C12orf42: variants seen among roughly 807,000 people sequenced by gnomAD.
The protein encoded by C12orf42 is chromosome 12 open reading frame 42.
In C12orf42, 25 loss-of-function variants were observed where a neutral mutation model predicts 21.6. That is an observed-to-expected ratio of 1.16 (90% CI 0.84 to 1.62). The LOEUF (loss-of-function observed/expected upper bound fraction) is 1.62. C12orf42 is among the 40% of genes most tolerant of loss of function. C12orf42 has a pLI of 0.00. For missense variants in C12orf42, 483 were observed against 459.3 expected (o/e 1.05, Z -0.47); for synonymous variants, 174 against 175.0 (o/e 0.99, Z 0.05).
chr12:103,215,776 G>T, the C12orf42 span, among the ~76,000 whole-genome samples: 5 of 152,182 alleles, frequency 3.3e-5, no homozygotes, highest in Admixed American at 1.3e-4. Flanking sequence ...TAGACAGAAT[G>T]AAAATGCCTG....
intron 4 of C12orf42, among the ~76,000 whole-genome samples, chr12:103,336,795 G>A (rs1356297084): frequency 6.6e-6 from 1 of 152,018 alleles, no homozygotes; most frequent in Admixed American, 6.6e-5. Context: ...GGGAAAAATA[G>A]GCAGCTTGAA....
intron 4 of C12orf42, among the ~76,000 whole-genome samples, chr12:103,311,414 T>C (rs993815203): frequency 2.0e-5 from 3 of 151,938 alleles, no homozygotes; most frequent in Non-Finnish European, 4.4e-5. Flanking sequence ...TATTGCAAAA[T>C]GAACTTCAGC....
chr12:103,080,511 C>T, the C12orf42 span, among the ~76,000 whole-genome samples: 1 of 152,104 alleles, frequency 6.6e-6, no homozygotes, highest in Non-Finnish European at 1.5e-5. Flanking sequence ...ATAATATTTG[C>T]AGACACCTAA....
chr12:103,436,737 C>T (rs2139454117), intron 2 of C12orf42, among the ~76,000 whole-genome samples: 2 of 152,272 alleles, frequency 1.3e-5, no homozygotes, highest in South Asian at 4.1e-4. Flanking sequence ...TACAGGAGCA[C>T]CCAGATTCAT....
At chr12:103,497,545 C>T (rs1392507050), upstream of C12orf42, among the ~76,000 whole-genome samples, 5 of 152,192 alleles carry the variant, frequency 3.3e-5, no homozygotes, top group Non-Finnish European at 7.4e-5. Flanking sequence ...TGCAGCTTTG[C>T]ACACCAAAAA....
At chr12:103,251,083 C>T (rs1481342362) in intron 10 of C12orf42, among the ~76,000 whole-genome samples, 1 of 152,138 alleles carries the variant, frequency 6.6e-6, no homozygotes, top group Non-Finnish European at 1.5e-5. Flanking sequence ...ATGCCATTCA[C>T]TACTTGATAT....
chr12:103,240,037 T>C lies in C12orf42; in HGVS notation c.*1367-2135A>G, dbSNP rs749305920. ...TCTACTATGGGCAAAAGATACCTTA[T>C]TGGAATTCTTCATATTCAGAATTAT... On this transcript the variant is annotated intron_variant and NMD_transcript_variant, in intron 10 of 10. Coordinates refer to the C12orf42 transcript ENST00000547347. Among the ~76,000 whole-genome samples, 11 of 152,246 alleles carry C rather than the reference T, an allele frequency of 7.2e-5. No individual in the cohort carries two copies. In the East Asian group the frequency reaches 1.2e-3, roughly 16 times the overall value.
At chr12:103,517,032 C>T in the C12orf42 span, among the ~76,000 whole-genome samples, 1 of 152,186 alleles carries the variant, frequency 6.6e-6, no homozygotes, top group Non-Finnish European at 1.5e-5. Context: ...TTAAACTAGG[C>T]TGTGCATTAA....
chr12:103,344,108 G>A (rs2042407167), intron 4 of C12orf42, among the ~76,000 whole-genome samples: 1 of 152,116 alleles, frequency 6.6e-6, no homozygotes, highest in Admixed American at 6.6e-5. Context: ...AAAAAGGGTG[G>A]AGGCCCTCCT....
At chr12:103,430,440 G>A (rs976332729) in intron 2 of C12orf42, among the ~76,000 whole-genome samples, 1 of 152,052 alleles carries the variant, frequency 6.6e-6, no homozygotes, top group Non-Finnish European at 1.5e-5. Context: ...TTAGAATGGC[G>A]ATCATTAAAA....
chr12:103,264,043 C>T (rs112658339), downstream of C12orf42, among the ~76,000 whole-genome samples: 2 of 152,198 alleles, frequency 1.3e-5, no homozygotes, highest in South Asian at 2.1e-4. Context: ...AAAATATTGT[C>T]CTCCTCCTCT....
the C12orf42 span, among the ~76,000 whole-genome samples, chr12:103,531,076 A>C: frequency 3.9e-5 from 6 of 152,208 alleles, no homozygotes; most frequent in African/African-American, 1.4e-4. Flanking sequence ...AAGGGGGGAA[A>C]CATCACTGTA....
intron 4 of C12orf42, among the ~76,000 whole-genome samples, chr12:103,337,463 G>A (rs1467834859): frequency 6.6e-6 from 1 of 152,188 alleles, no homozygotes; most frequent in Non-Finnish European, 1.5e-5. Flanking sequence ...GGAATCCCCT[G>A]CCTCAGCCTC....
the C12orf42 span, among the ~76,000 whole-genome samples, chr12:103,063,224 A>C: frequency 1.3e-5 from 2 of 152,176 alleles, no homozygotes; most frequent in African/African-American, 4.8e-5. Context: ...AGAAGCAGAT[A>C]CAGAGCCTTA....
At chr12:103,315,078 T>A (rs1464623484) in intron 4 of C12orf42, among the ~76,000 whole-genome samples, 1 of 152,158 alleles carries the variant, frequency 6.6e-6, no homozygotes, top group African/African-American at 2.4e-5. Flanking sequence ...CAACAAACAT[T>A]AAACACAACC....
the C12orf42 span, among the ~76,000 whole-genome samples, chr12:103,191,648 G>A: frequency 6.7e-6 from 1 of 149,760 alleles, no homozygotes; most frequent in East Asian, 1.9e-4. Context: ...GGCTGAGCCA[G>A]GAGGATTACT....
At chr12:103,392,814 G>A (rs1235154619) in intron 3 of C12orf42, among the ~76,000 whole-genome samples, 3 of 152,182 alleles carry the variant, frequency 2.0e-5, no homozygotes, top group South Asian at 2.1e-4. Context: ...AGGAAAGGAC[G>A]GGAAATTCTC....
the C12orf42 span, among the ~76,000 whole-genome samples, chr12:103,170,110 C>T: frequency 0.043 from 6,567 of 152,206 alleles, 384 homozygotes; most frequent in East Asian, 0.3. Flanking sequence ...TTTTTCCCAA[C>T]CTACTGGCTA....
the C12orf42 span, among the ~76,000 whole-genome samples, chr12:103,230,929 A>G: frequency 6.6e-6 from 1 of 152,058 alleles, no homozygotes; most frequent in Non-Finnish European, 1.5e-5. Flanking sequence ...TTAAGCATTC[A>G]AGGCTCTGCT....
Sources: allele counts gnomAD v4.1 joint callset (sites outside exome capture counted in the v4.1 genomes callset), GRCh38; gene constraint gnomAD v4.1.1; transcripts MANE v1.5; gene names NCBI Gene and HGNC (gene_info 2026-07-23, HGNC 2026-07-21).